Variants in RBFOX1 observed in about 807,000 individuals in gnomAD.
RBFOX1 encodes the protein RNA binding protein fox-1 homolog 1.
RBFOX1 carries 8 observed loss-of-function variants against 57.7 expected under a neutral mutation model. The ratio of observed to expected loss-of-function variants is 0.14; its 90% CI spans 0.08 to 0.25. The LOEUF (loss-of-function observed/expected upper bound fraction) is 0.25, where lower values mean the gene tolerates loss of function less well. Ranked by LOEUF, RBFOX1 falls within the 10% of genes least tolerant of loss-of-function variation. The pLI is 1.00. For missense variants in RBFOX1, 611 were observed against 548.5 expected (o/e 1.11, Z -1.14); for synonymous variants, 326 against 222.4 (o/e 1.47, Z -4.15).
At chr16:7,131,920 G>T (rs190562845) in intron 4 of RBFOX1, among the ~76,000 whole-genome samples, 62 of 151,820 alleles carry the variant, frequency 4.1e-4, no homozygotes, top group Non-Finnish European at 7.7e-4. Context: ...TAAAGAAGTG[G>T]TTCTTAATCT....
chr16:7,175,206 C>G lies in RBFOX1; in HGVS notation c.27+123108C>G, dbSNP rs549642999. 1.2e-4 allele frequency among the ~76,000 whole-genome samples: 19 copies of G among 152,166 alleles called. 1 individual carries two copies. Among genetic ancestry groups the G allele is most frequent in the African/African-American group, 4.6e-4 (19 of 41,514 alleles). ...CTAATACTCTTCCTCCTATCCACCC[C>G]AGCCCCCAATAGGCCCCAGTGTGTG... is the stretch of plus-strand genomic sequence containing the variant. On this transcript the variant is annotated intron_variant, in intron 4 of 15. Transcript: ENST00000550418.
At chr16:6,254,500 G>T (rs1474867894) in intron 1 of RBFOX1, among the ~76,000 whole-genome samples, 1 of 152,122 alleles carries the variant, frequency 6.6e-6, no homozygotes, top group Non-Finnish European at 1.5e-5. Context: ...AATAACCCTT[G>T]CTGAGTTTGA....
At chr16:5,637,186 C>G (rs2159300) in intron 3 of RBFOX1, among the ~76,000 whole-genome samples, 1 of 152,070 alleles carries the variant, frequency 6.6e-6, no homozygotes, top group African/African-American at 2.4e-5. Context: ...CAGCAGCTGA[C>G]ATGCCGCTGA....
At chr16:7,045,251 A>G (rs969327359) in intron 3 of RBFOX1, among the ~76,000 whole-genome samples, 2 of 152,120 alleles carry the variant, frequency 1.3e-5, no homozygotes, top group Admixed American at 6.6e-5. Context: ...GTTTACTAAT[A>G]ATTTATGAAA....
intron 3 of RBFOX1, among the ~76,000 whole-genome samples, chr16:5,747,917 C>G (rs989167644): frequency 1.3e-5 from 2 of 152,086 alleles, no homozygotes; most frequent in African/African-American, 4.8e-5. Context: ...CTTCTGCTAG[C>G]TTTTGAATGT....
At chr16:5,978,194 T>C (rs1461486657) in intron 4 of RBFOX1, among the ~76,000 whole-genome samples, 1 of 139,218 alleles carries the variant, frequency 7.2e-6, no homozygotes, top group Non-Finnish European at 1.5e-5. Flanking sequence ...CATTCCTGTA[T>C]TCCCAAATAC....
chr16:5,318,824 G>A (rs1037529814), intron 1 of RBFOX1, among the ~76,000 whole-genome samples: 5 of 152,152 alleles, frequency 3.3e-5, no homozygotes, highest in Admixed American at 1.3e-4. Context: ...ACCTAATTGC[G>A]TGAGCCCTTT....
chr16:7,525,063 C>G (rs1320411049), intron 5 of RBFOX1, among the ~76,000 whole-genome samples: 1 of 152,168 alleles, frequency 6.6e-6, no homozygotes, highest in East Asian at 1.9e-4. Context: ...CTTATATTTC[C>G]TTCCAGAAGT....
chr16:6,440,921 G>C lies in RBFOX1; in HGVS notation c.-64+123864G>C, dbSNP rs78004468. 5.9e-3 allele frequency among the ~76,000 whole-genome samples: 891 copies of C among 152,182 alleles called. 32 individuals carry two copies. In the East Asian group the frequency reaches 0.13, roughly 21 times the overall value. On this transcript the variant is annotated intron_variant, in intron 2 of 15. Coordinates refer to ENST00000550418, the MANE Select transcript of RBFOX1 (RefSeq NM_018723.4). ...GGGAGAATAGAAGGCAATGCTCTAA[G>C]AATGGATGCTTGATATTCAGAGCTG...
At chr16:6,068,598 C>T (rs926005443) in intron 1 of RBFOX1, among the ~76,000 whole-genome samples, 24 of 152,162 alleles carry the variant, frequency 1.6e-4, no homozygotes, top group Admixed American at 8.5e-4. Flanking sequence ...CATGATTTAG[C>T]AGGAGACAAG....
At chr16:7,581,751 C>G (rs140383084) in intron 6 of RBFOX1, among the ~76,000 whole-genome samples, 4 of 152,288 alleles carry the variant, frequency 2.6e-5, no homozygotes, top group African/African-American at 9.6e-5. Flanking sequence ...AGTTCTCACT[C>G]TGCTACCCAG....
chr16:5,297,958 T>TGTA (rs914088595), intron 1 of RBFOX1, among the ~76,000 whole-genome samples: 3 of 152,240 alleles, frequency 2.0e-5, no homozygotes, highest in African/African-American at 7.2e-5. Context: ...GAAAGCAAGG[T>TGTA]GTAGCCCAGA....
At chr16:7,496,084 C>G (rs1356151669) in intron 4 of RBFOX1, among the ~76,000 whole-genome samples, 5 of 152,120 alleles carry the variant, frequency 3.3e-5, no homozygotes, top group African/African-American at 9.7e-5. Flanking sequence ...CTGTCTCTAT[C>G]AGCAGTGAGT....
chr16:7,581,014 A>T (rs1410871761), intron 6 of RBFOX1, among the ~76,000 whole-genome samples: 1 of 152,200 alleles, frequency 6.6e-6, no homozygotes, highest in Non-Finnish European at 1.5e-5. Context: ...TGGTGTCTCC[A>T]TATAAAATGG....
chr16:7,654,545 A>T (rs1254365022), intron 12 of RBFOX1, among the ~76,000 whole-genome samples: 1 of 152,170 alleles, frequency 6.6e-6, no homozygotes, highest in African/African-American at 2.4e-5. Context: ...AACAATGCAG[A>T]TTAGTTTGTT....
chr16:6,852,526 C>A (rs185385194), intron 3 of RBFOX1, among the ~76,000 whole-genome samples: 2 of 152,198 alleles, frequency 1.3e-5, no homozygotes, highest in Non-Finnish European at 2.9e-5. Flanking sequence ...CCTTGTGTCT[C>A]AGAAATTAAC....
intron 2 of RBFOX1, among the ~76,000 whole-genome samples, chr16:6,350,050 C>G (rs1200006956): frequency 6.6e-6 from 1 of 152,016 alleles, no homozygotes; most frequent in East Asian, 1.9e-4. Context: ...CTTCTCAAAG[C>G]CCTTAAAATT....
At chr16:6,031,760 G>T (rs930096016) in intron 1 of RBFOX1, among the ~76,000 whole-genome samples, 1 of 152,232 alleles carries the variant, frequency 6.6e-6, no homozygotes, top group Non-Finnish European at 1.5e-5. Context: ...ATGAGGGTCA[G>T]TGTTGCTGGG....
chr16:5,503,465 C>T (rs142992061), intron 2 of RBFOX1, among the ~76,000 whole-genome samples: 105 of 152,336 alleles, frequency 6.9e-4, no homozygotes, highest in African/African-American at 2.5e-3. Flanking sequence ...GAGACGGAGT[C>T]TTGCTCTGTC....
Sources: allele counts gnomAD v4.1 joint callset (sites outside exome capture counted in the v4.1 genomes callset), GRCh38; gene constraint gnomAD v4.1.1; transcripts MANE v1.5; gene names NCBI Gene and HGNC (gene_info 2026-07-23, HGNC 2026-07-21).